The following UBE4B variants were observed in gnomAD, a reference collection of about 807,000 sequenced individuals.
UBE4B encodes the protein ubiquitin conjugation factor E4 B.
UBE4B carries 27 observed loss-of-function variants against 148.1 expected under a neutral mutation model. The observed-to-expected ratio is 0.18, with a 90% CI of 0.13 to 0.25. The LOEUF is 0.25. Among genes scored for constraint, UBE4B ranks in the 10% least tolerant of loss-of-function variants. The pLI, the probability that UBE4B is intolerant of heterozygous loss-of-function variation, is 1.00. For synonymous variants in UBE4B, 596 were observed against 619.3 expected, an observed-to-expected ratio of 0.96 and a Z score of 0.56; for missense variants, 1,170 against 1,662.4, an observed-to-expected ratio of 0.70 and a Z score of 5.15.
At chr1:10,096,828 C>T (rs557853375) in intron 3 of UBE4B, among the ~76,000 whole-genome samples, 1 of 152,178 alleles carries the variant, frequency 6.6e-6, no homozygotes, top group South Asian at 2.1e-4. Flanking sequence ...CACTTGAGGC[C>T]AGGAGTTCAA....
chr1:10,174,585 C>T (rs1311803448), intron 25 of UBE4B, among the ~76,000 whole-genome samples: 1 of 150,648 alleles, frequency 6.6e-6, no homozygotes, highest in Non-Finnish European at 1.5e-5. Context: ...GCCTGTAATC[C>T]CAGCTACTCG....
chr1:10,147,211 C>T (rs962086664), intron 19 of UBE4B, 121 bp downstream of exon 19: 1 of 1,481,116 alleles, frequency 6.8e-7, no homozygotes, highest in African/African-American at 1.4e-5. Flanking sequence ...CACTTCTCTG[C>T]AAGGCGCAGT....
chr1:10,158,249 T>A (rs1007867770), intron 21 of UBE4B, 107 bp from the exon 22 acceptor site: 1 of 1,398,548 alleles, frequency 7.2e-7, no homozygotes, highest in East Asian at 2.3e-5. Context: ...TCACCAGCTC[T>A]CTGATTTTGC....
intron 1 of UBE4B, among the ~76,000 whole-genome samples, chr1:10,066,040 CCT>C (rs1644379668): frequency 1.4e-5 from 2 of 144,106 alleles, no homozygotes; most frequent in East Asian, 2.1e-4. Context: ...TCCCTCCCCC[CCT>C]CCTTCCCTCC....
Position 10,137,921 on chromosome 1 carries a change from C to CTTT in UBE4B, c.2363+745_2363+747dup, listed in dbSNP as rs70998351. Among the ~76,000 whole-genome samples, 92 of 67,038 alleles carry CTTT rather than the reference C, an allele frequency of 1.4e-3. 11 individuals are homozygous for CTTT. The highest frequency in any genetic ancestry group is 3.0e-3 in the African/African-American group (44 of 14,546). 44.0% of individuals were successfully genotyped at this position (67,038 alleles called of 152,430 possible). On this transcript the variant is annotated intron_variant, in intron 17 of 27. Coordinates refer to ENST00000343090, the MANE Select transcript of UBE4B (RefSeq NM_001105562.3). ...ACCTTGCTTAAATCACTTACTAATTCTTTTTTTTTTTTTTTTTTTTTTTTT... is the reference window on the plus strand; with the variant it reads ...ACCTTGCTTAAATCACTTACTAATTCTTTTTTTTTTTTTTTTTTTTTTTTTTTT...
intron 20 of UBE4B, among the ~76,000 whole-genome samples, chr1:10,150,264 A>G (rs1170878567): frequency 3.9e-5 from 6 of 152,184 alleles, no homozygotes; most frequent in Admixed American, 1.3e-4. Context: ...TTGGTATGAA[A>G]TTTTAAAAGT....
At chr1:10,158,219 T>G in intron 21 of UBE4B, 137 bp from the exon 22 acceptor site, 1 of 1,094,558 alleles carries the variant, frequency 9.1e-7, no homozygotes, top group East Asian at 2.4e-5. Context: ...GTGCCCTACA[T>G]GCAAAAGAAG....
In UBE4B at chr1:10,161,382, A is replaced by C; in HGVS notation, c.3198+96A>C. The C allele has an allele frequency of 7.2e-7, 1 of 1,396,868 alleles. No homozygotes were observed. Among genetic ancestry groups the C allele is most frequent in the Non-Finnish European group, 9.7e-7 (1 of 1,033,906 alleles). 86.5% of individuals were successfully genotyped at this position (1,396,868 alleles called of 1,614,324 possible). ...TGGGGCTGCATTTGTGGGTCTGATG[A>C]TATGCGATCTGACATGCTGGGATTT... On this transcript the variant is annotated intron_variant, in intron 23 of 27. Transcript: ENST00000343090. The surrounding 1 kb of genome is among the most constrained non-coding windows in gnomAD (Gnocchi z 4.1).
At chr1:10,081,206 G>A (rs1644674149) in intron 2 of UBE4B, among the ~76,000 whole-genome samples, 1 of 151,942 alleles carries the variant, frequency 6.6e-6, no homozygotes, top group South Asian at 2.1e-4. Context: ...GGGATTACAG[G>A]CCTGTGCCAC....
Position 10,181,041 on chromosome 1 carries a change from A to G in UBE4B, c.*1085A>G, listed in dbSNP as rs1336681182. On this transcript the variant is annotated 3_prime_UTR_variant, in exon 28 of 28. Coordinates refer to ENST00000343090, the MANE Select transcript of UBE4B (RefSeq NM_001105562.3). ...AAGACTTTTTGTATTACTGCTCCCT[A>G]CTTAACATACTTGAATTCTCAAATT... The G allele has an allele frequency of 6.6e-6, 1 of 151,352 alleles. No homozygotes were observed. Among genetic ancestry groups the G allele is most frequent in the African/African-American group, 2.5e-5 (1 of 40,790 alleles). 9.4% of individuals were successfully genotyped at this position (151,352 alleles called of 1,614,324 possible). A position where few individuals can be genotyped will look rare whatever the true frequency, so the allele number is the denominator to read the frequency against.
intron 17 of UBE4B, among the ~76,000 whole-genome samples, chr1:10,139,170 C>T (rs1013529770): frequency 9.2e-5 from 14 of 152,152 alleles, no homozygotes; most frequent in African/African-American, 2.2e-4. Flanking sequence ...CCGAGGCAGA[C>T]GGATCACCTG....
At chr1:10,132,962 C>T (rs1308694417) in intron 15 of UBE4B, among the ~76,000 whole-genome samples, 6 of 151,938 alleles carry the variant, frequency 3.9e-5, no homozygotes, top group South Asian at 2.1e-4. Flanking sequence ...ATAGGCAGGG[C>T]GCCATCGGGT....
Position 10,147,077 on chromosome 1 carries a change from C to A in UBE4B, c.2578C>A (p.Pro860Thr), listed in dbSNP as rs779124753. 1 of 1,614,004 alleles carries A rather than the reference C, an allele frequency of 6.2e-7. No homozygotes were observed. The highest frequency in any genetic ancestry group is 1.3e-5 in the African/African-American group (1 of 74,902). Residue 860 changes from proline to threonine, a missense_variant, in exon 19 of 28, where the codon CCC becomes ACC. By Grantham distance (38) the Pro-to-Thr change is conservative. Transcript: ENST00000343090. Reference protein sequence around the residue: ...LIQLLLRILDPAYPDITLPLN... With the variant: ...LIQLLLRILDTAYPDITLPLN... ...TCAGCTGCTGCTCCGCATCCTGGAC[C>A]CCGCATATCCCGAGTGAGTGTGCTT...
chr1:10,096,159 T>C (rs1644925456), intron 3 of UBE4B, among the ~76,000 whole-genome samples: 2 of 152,220 alleles, frequency 1.3e-5, no homozygotes, highest in South Asian at 4.1e-4. Context: ...AAATATAAAG[T>C]TGGCAAGCAT....
chr1:10,040,170 G>A (rs1412352434), intron 1 of UBE4B, among the ~76,000 whole-genome samples: 1 of 151,884 alleles, frequency 6.6e-6, no homozygotes, highest in East Asian at 1.9e-4. Flanking sequence ...TGTCGCCCAG[G>A]CTGGAGTGCA....
chr1:10,109,889 G>A (rs1645190360), intron 7 of UBE4B, among the ~76,000 whole-genome samples: 1 of 152,138 alleles, frequency 6.6e-6, no homozygotes, highest in South Asian at 2.1e-4. Flanking sequence ...CACCTCAGGT[G>A]ATCTGCCCAC....
chr1:10,137,864 AG>A (rs1223326435), intron 17 of UBE4B, among the ~76,000 whole-genome samples: 1 of 149,864 alleles, frequency 6.7e-6, no homozygotes, highest in Non-Finnish European at 1.5e-5. Flanking sequence ...TGTCTATGAG[AG>A]AAACTGAATC....
intron 3 of UBE4B, among the ~76,000 whole-genome samples, chr1:10,100,585 G>A (rs1184841155): frequency 1.3e-5 from 2 of 151,926 alleles, no homozygotes; most frequent in East Asian, 1.9e-4. Flanking sequence ...ACGGAGTTTC[G>A]CTCTTGTTGC....
chr1:10,164,360 A>G (rs896966888), intron 23 of UBE4B, among the ~76,000 whole-genome samples: 45 of 152,098 alleles, frequency 3.0e-4, no homozygotes, highest in Admixed American at 7.2e-4. Context: ...AAAAGAAAAA[A>G]AAAAAGAAAG....
Sources: allele counts gnomAD v4.1 joint callset (sites outside exome capture counted in the v4.1 genomes callset), GRCh38; gene constraint gnomAD v4.1.1; non-coding constraint Gnocchi (gnomAD v3.1); transcripts MANE v1.5; gene names NCBI Gene and HGNC (gene_info 2026-07-23, HGNC 2026-07-21).